Variants in ZNF385D observed in about 807,000 individuals in gnomAD.
ZNF385D encodes the protein zinc finger protein 659.
ZNF385D carries 15 observed loss-of-function variants against 35.8 expected under a neutral mutation model. The ratio of observed to expected loss-of-function variants is 0.42; its 90% confidence interval spans 0.28 to 0.64. The LOEUF is 0.64. ZNF385D is among the 30% of genes least tolerant of loss of function. ZNF385D has a pLI of 0.23. For synonymous variants in ZNF385D, 212 were observed against 186.8 expected (o/e 1.13, Z -1.10); for missense variants, 474 against 494.6 (o/e 0.96, Z 0.39).
chr3:22,292,717 T>C (rs998862393), intron 2 of ZNF385D, among the ~76,000 whole-genome samples: 2 of 152,132 alleles, frequency 1.3e-5, no homozygotes. Context: ...TTGTTTTCTG[T>C]ATTTGATAGT....
intron 3 of ZNF385D, among the ~76,000 whole-genome samples, chr3:21,525,923 C>T (rs749989341): frequency 6.6e-6 from 1 of 152,024 alleles, no homozygotes; most frequent in Non-Finnish European, 1.5e-5. Context: ...ATTTCCTAAA[C>T]CAGCAAGTGA....
chr3:21,979,264 A>T (rs539019237), intron 3 of ZNF385D, among the ~76,000 whole-genome samples: 1 of 152,198 alleles, frequency 6.6e-6, no homozygotes, highest in African/African-American at 2.4e-5. Context: ...GGGGAAAAAA[A>T]CCCACAAAAT....
At chr3:21,702,630 G>A (rs140234660) in intron 1 of ZNF385D, among the ~76,000 whole-genome samples, 2,063 of 152,254 alleles carry the variant, frequency 0.014, 43 homozygotes, top group African/African-American at 0.046. Context: ...CAAATTTTCT[G>A]AACTTTTATG....
intron 3 of ZNF385D, among the ~76,000 whole-genome samples, chr3:21,932,728 G>A (rs1468009147): frequency 6.6e-6 from 1 of 151,878 alleles, no homozygotes; most frequent in African/African-American, 2.4e-5. Flanking sequence ...AAGCAGAATA[G>A]GTGAACAGAT....
rs1340325929 is a variant in ZNF385D at position 21,416,308 on chromosome 3, G to C, written c.*4906C>G. ...GCCTCCCAAAGTGCTGGGATTACAG[G>C]CGTGAGCCACCGCGCCCGGCCATGA... On this transcript the variant is annotated 3_prime_UTR_variant, in exon 8 of 8. Transcript: ENST00000281523. 2 of 6,808 alleles carry C rather than the reference G, an allele frequency of 2.9e-4. 1 individual carries two copies. The highest frequency in any genetic ancestry group is 6.1e-4 in the Non-Finnish European group (2 of 3,274). 0.4% of individuals were successfully genotyped at this position (6,808 alleles called of 1,614,324 possible).
At chr3:21,660,563 T>C (rs1315134954) in intron 2 of ZNF385D, among the ~76,000 whole-genome samples, 1 of 152,068 alleles carries the variant, frequency 6.6e-6, no homozygotes, top group Admixed American at 6.6e-5. Context: ...GTCACAACTG[T>C]GAGTTAGAAT....
intron 3 of ZNF385D, among the ~76,000 whole-genome samples, chr3:21,958,548 G>A (rs1020388605): frequency 5.3e-5 from 8 of 151,970 alleles, no homozygotes; most frequent in Non-Finnish European, 1.2e-4. Flanking sequence ...ATTTGTAACT[G>A]ACAAGAAGCT....
intron 3 of ZNF385D, among the ~76,000 whole-genome samples, chr3:22,014,699 G>T (rs201850982): frequency 7.3e-6 from 1 of 136,980 alleles, no homozygotes; most frequent in Non-Finnish European, 1.6e-5. Context: ...GAAAAATAAA[G>T]ACTTGATATA....
chr3:21,599,552 A>G (rs992572532), intron 2 of ZNF385D, among the ~76,000 whole-genome samples: 7 of 152,214 alleles, frequency 4.6e-5, no homozygotes, highest in Non-Finnish European at 1.0e-4. Flanking sequence ...CGTGATCCAT[A>G]GTATAAACAT....
chr3:21,875,068 A>C (rs1172528893), intron 3 of ZNF385D, among the ~76,000 whole-genome samples: 1 of 152,000 alleles, frequency 6.6e-6, no homozygotes, highest in East Asian at 1.9e-4. Flanking sequence ...AGTGTACAGA[A>C]ACACAACTGA....
intron 4 of ZNF385D, among the ~76,000 whole-genome samples, chr3:21,478,671 G>C (rs532263556): frequency 3.3e-5 from 5 of 152,070 alleles, no homozygotes; most frequent in Admixed American, 3.3e-4. Context: ...GCTGTCCTCT[G>C]ATACAGAAAG....
intron 2 of ZNF385D, among the ~76,000 whole-genome samples, chr3:22,362,961 T>C (rs1441713714): frequency 1.3e-5 from 2 of 152,104 alleles, no homozygotes; most frequent in African/African-American, 2.4e-5. Flanking sequence ...AAATCTCTAC[T>C]GTCACAGAAC....
At chr3:22,159,301 G>A (rs768090955) in intron 3 of ZNF385D, among the ~76,000 whole-genome samples, 5 of 151,966 alleles carry the variant, frequency 3.3e-5, no homozygotes, top group East Asian at 1.9e-4. Flanking sequence ...CAAGCTAAAC[G>A]TTATAAATTT....
At chr3:21,839,949 A>C (rs3849552) in intron 3 of ZNF385D, among the ~76,000 whole-genome samples, 48,824 of 151,836 alleles carry the variant, frequency 0.32, 8,986 homozygotes, top group African/African-American at 0.49. Flanking sequence ...TCTCTCAATT[A>C]TGTTCAGATA....
At chr3:22,276,965 A>G (rs897046083) in intron 2 of ZNF385D, among the ~76,000 whole-genome samples, 1 of 152,114 alleles carries the variant, frequency 6.6e-6, no homozygotes, top group Non-Finnish European at 1.5e-5. Context: ...TTAAGACTTT[A>G]TTTTACATGG....
chr3:21,671,196 T>G (rs1286469858), intron 1 of ZNF385D, among the ~76,000 whole-genome samples: 2 of 152,082 alleles, frequency 1.3e-5, no homozygotes, highest in African/African-American at 4.8e-5. Flanking sequence ...CGTCCCTTCC[T>G]TGAAGTGTCT....
intron 3 of ZNF385D, among the ~76,000 whole-genome samples, chr3:21,772,609 G>T (rs2071124438): frequency 6.6e-6 from 1 of 151,786 alleles, no homozygotes; most frequent in Non-Finnish European, 1.5e-5. Flanking sequence ...ATTGTTGGTG[G>T]GAATGTAAAA....
intron 3 of ZNF385D, among the ~76,000 whole-genome samples, chr3:21,903,937 C>A (rs1699541923): frequency 6.6e-6 from 1 of 152,056 alleles, no homozygotes; most frequent in South Asian, 2.1e-4. Context: ...CTTTATCAAA[C>A]CAACCATAGA....
chr3:21,899,748 A>T (rs1699307847), intron 3 of ZNF385D, among the ~76,000 whole-genome samples: 1 of 152,150 alleles, frequency 6.6e-6, no homozygotes, highest in Non-Finnish European at 1.5e-5. Flanking sequence ...CCTACTAAAC[A>T]TAATATATTT....
Sources: allele counts gnomAD v4.1 joint callset (sites outside exome capture counted in the v4.1 genomes callset), GRCh38; gene constraint gnomAD v4.1.1; transcripts MANE v1.5; gene names NCBI Gene and HGNC (gene_info 2026-07-23, HGNC 2026-07-21).